The following CALN1 variants were observed in gnomAD, a reference collection of about 807,000 sequenced individuals.
The protein encoded by CALN1 is calcium-binding protein 8.
A neutral mutation model predicts 30.6 loss-of-function variants in CALN1; 17 were observed. That is an observed-to-expected ratio of 0.56 (90% CI 0.38 to 0.83). The LOEUF (loss-of-function observed/expected upper bound fraction) is 0.83, where lower values mean the gene tolerates loss of function less well. CALN1 is among the 40% of genes least tolerant of loss of function. The pLI is 0.00. For missense variants in CALN1, 291 were observed against 354.9 expected (o/e 0.82, Z 1.45); for synonymous variants, 156 against 131.4 (o/e 1.19, Z -1.28).
intron 3 of CALN1, among the ~76,000 whole-genome samples, chr7:72,229,782 G>T (rs1321950596): frequency 6.6e-6 from 1 of 151,898 alleles, no homozygotes; most frequent in Admixed American, 6.6e-5. Context: ...GGGCCTGTCG[G>T]AGGGTGGGGA....
At chr7:72,462,093 G>A in the CALN1 span, among the ~76,000 whole-genome samples, 34 of 151,920 alleles carry the variant, frequency 2.2e-4, no homozygotes, top group Non-Finnish European at 4.7e-4. Flanking sequence ...CCAGGAAACA[G>A]GTCAAAGACC....
At chr7:72,082,093 T>C (rs965712202) in intron 4 of CALN1, among the ~76,000 whole-genome samples, 9 of 151,768 alleles carry the variant, frequency 5.9e-5, no homozygotes, top group Admixed American at 2.6e-4. Flanking sequence ...TTCAAGCGAT[T>C]CTCCAGCCTC....
intron 2 of CALN1, among the ~76,000 whole-genome samples, chr7:72,383,097 C>G (rs549646554): frequency 6.6e-6 from 1 of 152,270 alleles, no homozygotes; most frequent in Non-Finnish European, 1.5e-5. Flanking sequence ...GGATTTTGTT[C>G]TTTTTTATGG....
At chr7:72,161,463 T>C (rs1788102945) in intron 3 of CALN1, among the ~76,000 whole-genome samples, 1 of 152,190 alleles carries the variant, frequency 6.6e-6, no homozygotes, top group Non-Finnish European at 1.5e-5. Context: ...CTACCCCAGA[T>C]TTCTCATATA....
chr7:71,867,113 C>A (rs754847126), intron 5 of CALN1, among the ~76,000 whole-genome samples: 2 of 151,128 alleles, frequency 1.3e-5, no homozygotes, highest in Non-Finnish European at 2.9e-5. Flanking sequence ...CCATTGCACT[C>A]CAGCCTGGGT....
At chr7:71,827,775 A>AAAAAAATAAATAAAT in intron 5 of CALN1, among the ~76,000 whole-genome samples, 1 of 140,340 alleles carries the variant, frequency 7.1e-6, no homozygotes, top group African/African-American at 2.7e-5. Context: ...CCATCTTAAA[A>AAAAAAATAAATAAAT]AAATAAATAA....
intron 5 of CALN1, among the ~76,000 whole-genome samples, chr7:71,827,775 AAAAT>A (rs10646245): frequency 0.23 from 32,718 of 140,096 alleles, 4,054 homozygotes; most frequent in Middle Eastern, 0.32. Context: ...CCATCTTAAA[AAAAT>A]AAATAAATAA....
chr7:71,943,055 T>C (rs1467157444), intron 5 of CALN1, among the ~76,000 whole-genome samples: 1 of 152,202 alleles, frequency 6.6e-6, no homozygotes, highest in Non-Finnish European at 1.5e-5. Context: ...AATTGATTGG[T>C]GTCTCATGTC....
chr7:71,827,874 G>A (rs2116383598), intron 5 of CALN1, among the ~76,000 whole-genome samples: 1 of 152,156 alleles, frequency 6.6e-6, no homozygotes, highest in South Asian at 2.1e-4. Flanking sequence ...GAGGAGGCAA[G>A]GGTGGGTCCA....
At chr7:72,001,174 T>C (rs1799511067) in intron 5 of CALN1, among the ~76,000 whole-genome samples, 1 of 152,112 alleles carries the variant, frequency 6.6e-6, no homozygotes, top group African/African-American at 2.4e-5. Context: ...AGCTTCTCAA[T>C]AAGATCTCAG....
rs550700867 is a variant in CALN1, at chr7:72,336,587, G to C, written c.120-57777C>G. 2.3e-4 allele frequency: 145 copies of C among 642,470 alleles called. 1 individual carries two copies. In the African/African-American group the frequency reaches 2.7e-3, roughly 12 times the overall value. 39.8% of individuals were successfully genotyped at this position (642,470 alleles called of 1,614,324 possible). A position where few individuals can be genotyped will look rare whatever the true frequency, so the allele number is the denominator to read the frequency against. On this transcript the variant is annotated intron_variant, in intron 2 of 6. Coordinates refer to ENST00000395275, the MANE Select transcript of CALN1 (RefSeq NM_031468.4). ...TCTGCCAACCATCTGCCCACTCTGA[G>C]CACCAGGGCCCGCGACAGCCCGGGG... is the stretch of plus-strand genomic sequence containing the variant.
At chr7:72,275,225 C>G (rs898105659) in intron 3 of CALN1, among the ~76,000 whole-genome samples, 21 of 152,026 alleles carry the variant, frequency 1.4e-4, no homozygotes, top group African/African-American at 4.6e-4. Context: ...CATCAGTGTC[C>G]AACACATCAA....
At chr7:72,286,608 C>A (rs1246898696) in intron 2 of CALN1, among the ~76,000 whole-genome samples, 1 of 152,224 alleles carries the variant, frequency 6.6e-6, no homozygotes, top group Non-Finnish European at 1.5e-5. Flanking sequence ...ATGCTCTCAA[C>A]AAAGGCCAGC....
intron 2 of CALN1, among the ~76,000 whole-genome samples, chr7:72,389,648 G>A (rs1357810772): frequency 1.3e-5 from 2 of 152,180 alleles, no homozygotes; most frequent in Non-Finnish European, 1.5e-5. Context: ...GGCTGAGCTT[G>A]GTGGCTTGTG....
At chr7:71,817,716 A>G (rs1788348404) in intron 5 of CALN1, among the ~76,000 whole-genome samples, 1 of 151,998 alleles carries the variant, frequency 6.6e-6, no homozygotes, top group South Asian at 2.1e-4. Context: ...GGGTTTCACC[A>G]TGTTGGCCAG....
rs200751165 is a variant in CALN1 at position 72,190,844 on chromosome 7, TTA to T, written c.245-84552_245-84551del. Among the ~76,000 whole-genome samples the T allele has an allele frequency of 9.6e-4, 81 of 84,724 alleles. 2 individuals are homozygous for T. The highest frequency in any genetic ancestry group is 8.5e-3 in the East Asian group (2 of 236). 55.6% of individuals were successfully genotyped at this position (84,724 alleles called of 152,430 possible). A position where few individuals can be genotyped will look rare whatever the true frequency, so the allele number is the denominator to read the frequency against. On this transcript the variant is annotated intron_variant, in intron 3 of 6. Transcript: ENST00000395275. ...CCTACATCTGTACATCGATTTATTATTATTTTTTTTCAGTTAAAAAATGTGTG... is the reference window on the plus strand; with the variant it reads ...CCTACATCTGTACATCGATTTATTATTTTTTTTTCAGTTAAAAAATGTGTG...
In CALN1 at chr7:71,907,616, G is replaced by A. The variant is rs75521081; in HGVS notation, c.502-97124C>T. 2.7e-3 allele frequency among the ~76,000 whole-genome samples: 407 copies of A among 152,238 alleles called. 4 individuals carry two copies. In the East Asian group the frequency reaches 0.057, roughly 21 times the overall value. On this transcript the variant is annotated intron_variant, in intron 5 of 6. Coordinates refer to ENST00000395275, the MANE Select transcript of CALN1 (RefSeq NM_031468.4). ...TGAAGTCTCTTCATGGTTTAAAAGC[G>A]ATAATACCTACTTTGCTAGGTCTTG...
At chr7:71,863,949 C>T (rs1791447849) in intron 5 of CALN1, among the ~76,000 whole-genome samples, 1 of 152,128 alleles carries the variant, frequency 6.6e-6, no homozygotes, top group African/African-American at 2.4e-5. Context: ...TTAGCATGGC[C>T]CAAGCTGAGC....
chr7:72,099,995 T>G (rs1563057239), intron 4 of CALN1, among the ~76,000 whole-genome samples: 1 of 151,932 alleles, frequency 6.6e-6, no homozygotes. Flanking sequence ...TTGAACAATA[T>G]CATCACATAA....
Sources: allele counts gnomAD v4.1 joint callset (sites outside exome capture counted in the v4.1 genomes callset), GRCh38; gene constraint gnomAD v4.1.1; transcripts MANE v1.5; gene names NCBI Gene and HGNC (gene_info 2026-07-23, HGNC 2026-07-21).